RAB39A: variants seen among roughly 807,000 people sequenced by gnomAD.
RAB39A encodes the protein RAB39A, member RAS oncogene family.
Under a neutral mutation model 20.9 loss-of-function variants are expected in RAB39A, and 17 were observed. The observed-to-expected ratio is 0.81, with a 90% CI of 0.56 to 1.22. The LOEUF (loss-of-function observed/expected upper bound fraction) is 1.22. Ranked by LOEUF, RAB39A falls within the 50% of genes most tolerant of loss-of-function variation. The probability of loss-of-function intolerance (pLI) is 0.00; values close to 1 mark genes in which losing one functional copy is unlikely to be tolerated. For synonymous variants in RAB39A, 99 were observed against 103.4 expected (o/e 0.96, Z 0.26); for missense variants, 234 against 270.5 (o/e 0.87, Z 0.95).
intron 1 of RAB39A, among the ~76,000 whole-genome samples, chr11:107,961,482 C>T (rs748261567): frequency 3.9e-5 from 6 of 152,178 alleles, no homozygotes; most frequent in Non-Finnish European, 8.8e-5. Flanking sequence ...GGGACACAGA[C>T]ATTCGATCCA....
At chr11:107,938,105 G>A (rs1861215703) in intron 1 of RAB39A, among the ~76,000 whole-genome samples, 1 of 152,046 alleles carries the variant, frequency 6.6e-6, no homozygotes, top group African/African-American at 2.4e-5. Context: ...GCTCACGCCT[G>A]TAATCCCAGC....
At chr11:107,942,360 G>C (rs1039434074) in intron 1 of RAB39A, among the ~76,000 whole-genome samples, 1 of 152,162 alleles carries the variant, frequency 6.6e-6, no homozygotes, top group Non-Finnish European at 1.5e-5. Context: ...ATTGGACTGG[G>C]AAGGAGCAGA....
chr11:107,933,379 T>TTC (rs1861159910), intron 1 of RAB39A, among the ~76,000 whole-genome samples: 3 of 121,234 alleles, frequency 2.5e-5, no homozygotes, highest in Non-Finnish European at 5.0e-5. Flanking sequence ...TATTCTTTCT[T>TTC]TTTTTTTTTT....
At chr11:107,960,937 G>A (rs1861490213) in intron 1 of RAB39A, among the ~76,000 whole-genome samples, 1 of 152,182 alleles carries the variant, frequency 6.6e-6, no homozygotes, top group African/African-American at 2.4e-5. Context: ...GGGCAAGGGA[G>A]TTTGGGAAAG....
chr11:107,946,418 GTGTGTGTGTGTGTGTGTGTATA>G (rs1437634434), intron 1 of RAB39A, among the ~76,000 whole-genome samples: 222 of 14,298 alleles, frequency 0.016, 4 homozygotes, highest in African/African-American at 0.029. Context: ...GTGTGTGTGT[GTGTGTGTGTGTGTGTGTGTATA>G]TATATATATA....
At chr11:107,941,692 A>G (rs1458657201) in intron 1 of RAB39A, among the ~76,000 whole-genome samples, 1 of 152,214 alleles carries the variant, frequency 6.6e-6, no homozygotes, top group African/African-American at 2.4e-5. Context: ...TAAAGGAGCA[A>G]ATGGACAAAT....
intron 1 of RAB39A, among the ~76,000 whole-genome samples, chr11:107,955,914 A>G: frequency 6.6e-6 from 1 of 152,028 alleles, no homozygotes; most frequent in East Asian, 1.9e-4. Context: ...AGTAGGGGGT[A>G]TAAAATATGG....
intron 1 of RAB39A, among the ~76,000 whole-genome samples, chr11:107,953,419 G>T (rs1191575336): frequency 6.6e-6 from 1 of 152,138 alleles, no homozygotes; most frequent in Admixed American, 6.5e-5. Flanking sequence ...GGCCAGGCTT[G>T]GAATGAATCA....
rs1296234363 is a variant in RAB39A, at chr11:107,956,412, AAG to A, written c.228-5531_228-5530del. 3.3e-5 allele frequency among the ~76,000 whole-genome samples: 5 copies of A among 152,322 alleles called. No homozygotes were observed. In the East Asian group the frequency reaches 5.8e-4, roughly 18 times the overall value. Reference sequence around the variant, plus strand: ...AGCAAGCCAGTAGCATGGATCCAGAAAGAGGAAAGGAGGGAAAAGGACGCTAT... The same window carrying A: ...AGCAAGCCAGTAGCATGGATCCAGAAAGGAAAGGAGGGAAAAGGACGCTAT... On this transcript the variant is annotated intron_variant, in intron 1 of 1. Transcript: ENST00000320578.
At chr11:107,936,935 A>G (rs1318868083) in intron 1 of RAB39A, among the ~76,000 whole-genome samples, 2 of 147,542 alleles carry the variant, frequency 1.4e-5, no homozygotes, top group Non-Finnish European at 3.0e-5. Context: ...CTCCCCCTCC[A>G]AAAAAAAAAA....
intron 1 of RAB39A, among the ~76,000 whole-genome samples, chr11:107,945,082 C>T (rs1202513024): frequency 6.6e-6 from 1 of 151,814 alleles, no homozygotes; most frequent in Non-Finnish European, 1.5e-5. Flanking sequence ...GTTTGGGAGG[C>T]TGAGGCAGGA....
intron 1 of RAB39A, among the ~76,000 whole-genome samples, chr11:107,930,789 G>A (rs996011139): frequency 1.1e-4 from 16 of 152,082 alleles, no homozygotes; most frequent in Admixed American, 2.0e-4. Context: ...CTGGGAGGCA[G>A]AGTTTGCAGT....
At chr11:107,940,921 C>T (rs1437216227) in intron 1 of RAB39A, among the ~76,000 whole-genome samples, 2 of 151,904 alleles carry the variant, frequency 1.3e-5, no homozygotes, top group African/African-American at 4.8e-5. Context: ...TGCAGAGAGC[C>T]GAGATCACGC....
At chr11:107,931,271 G>A (rs1861134763) in intron 1 of RAB39A, among the ~76,000 whole-genome samples, 1 of 152,258 alleles carries the variant, frequency 6.6e-6, no homozygotes, top group East Asian at 1.9e-4. Context: ...GAGCCACCGC[G>A]CCTGGCCTAG....
chr11:107,952,797 C>T (rs1861394753), intron 1 of RAB39A, among the ~76,000 whole-genome samples: 1 of 152,172 alleles, frequency 6.6e-6, no homozygotes, highest in African/African-American at 2.4e-5. Flanking sequence ...GCAAGAGAAT[C>T]ACTTGAAACT....
chr11:107,930,507 G>A (rs189093103), intron 1 of RAB39A, among the ~76,000 whole-genome samples: 2 of 152,244 alleles, frequency 1.3e-5, no homozygotes, highest in Non-Finnish European at 2.9e-5. Context: ...ACTTTGAGTT[G>A]CAACTACAAG....
intron 1 of RAB39A, among the ~76,000 whole-genome samples, chr11:107,929,520 G>C (rs914186717): frequency 6.6e-6 from 1 of 152,078 alleles, no homozygotes; most frequent in Admixed American, 6.6e-5. Context: ...GTGAAGGGTT[G>C]AGTTGTCTTT....
At chr11:107,961,223 A>G (rs556226849) in intron 1 of RAB39A, among the ~76,000 whole-genome samples, 12 of 152,258 alleles carry the variant, frequency 7.9e-5, no homozygotes, top group African/African-American at 2.9e-4. Context: ...GAAGTGGATG[A>G]TCAGGGAGAT....
intron 1 of RAB39A, among the ~76,000 whole-genome samples, chr11:107,951,859 C>T (rs1406918195): frequency 6.6e-6 from 1 of 152,078 alleles, no homozygotes; most frequent in Middle Eastern, 3.2e-3. Context: ...ATCTTATCTT[C>T]AGTGCCTTTT....
Sources: allele counts gnomAD v4.1 joint callset (sites outside exome capture counted in the v4.1 genomes callset), GRCh38; gene constraint gnomAD v4.1.1; transcripts MANE v1.5; gene names NCBI Gene and HGNC (gene_info 2026-07-23, HGNC 2026-07-21).